EPB41L2: variants seen among roughly 807,000 people sequenced by gnomAD.
EPB41L2 encodes erythrocyte membrane protein band 4.1 like 2.
Under a neutral mutation model 113.0 loss-of-function variants are expected in EPB41L2, and 43 were observed. The ratio of observed to expected loss-of-function variants is 0.38; its 90% CI spans 0.30 to 0.49. EPB41L2 has a LOEUF of 0.49. Ranked by LOEUF, EPB41L2 falls within the 20% of genes least tolerant of loss-of-function variation. The probability of loss-of-function intolerance (pLI) is 0.95; values close to 1 mark genes in which losing one functional copy is unlikely to be tolerated. For missense variants in EPB41L2, 1,147 were observed against 1,223.4 expected, an observed-to-expected ratio of 0.94 and a Z score of 0.93; for synonymous variants, 442 against 436.7, an observed-to-expected ratio of 1.01 and a Z score of -0.15.
Position 130,904,535 on chromosome 6 carries a change from G to C in EPB41L2, c.859C>G (p.Pro287Ala). 1 of 1,597,742 alleles carries C rather than the reference G, an allele frequency of 6.3e-7. No individual in the cohort carries two copies. Among genetic ancestry groups the C allele is most frequent in the Non-Finnish European group, 8.6e-7 (1 of 1,167,966 alleles). ...TTCACATTAAAAGTGAATAGCCATG[G>C]AAGGTCTGTAATTATTAAATATCAC... ...KEIKRQLRNL[P>A]WLFTFNVKFY... Residue 287 changes from proline (P) to alanine (A), a missense_variant, in exon 6 of 20, where the codon CCA becomes GCA. Pro to Ala is a conservative substitution (Grantham distance 27). Coordinates refer to ENST00000337057, the MANE Select transcript of EPB41L2 (RefSeq NM_001431.4).
chr6:130,913,077 T>C (rs1457564923), intron 4 of EPB41L2, among the ~76,000 whole-genome samples: 1 of 152,172 alleles, frequency 6.6e-6, no homozygotes, highest in Non-Finnish European at 1.5e-5. Context: ...ACCCAAGGAC[T>C]AACCCTGTGT....
chr6:130,846,663 T>G (rs984862273), intron 19 of EPB41L2, among the ~76,000 whole-genome samples: 2 of 152,236 alleles, frequency 1.3e-5, no homozygotes, highest in Non-Finnish European at 2.9e-5. Flanking sequence ...TAGGAGGCTC[T>G]TCTGTGGGTC....
intron 1 of EPB41L2, among the ~76,000 whole-genome samples, chr6:130,992,816 G>A (rs1782200756): frequency 6.6e-6 from 1 of 151,996 alleles, no homozygotes; most frequent in African/African-American, 2.4e-5. Context: ...TAGTAGAGAT[G>A]GGGTTTCACC....
intron 3 of EPB41L2, among the ~76,000 whole-genome samples, chr6:130,932,170 A>C (rs1308727143): frequency 6.6e-6 from 1 of 152,166 alleles, no homozygotes; most frequent in Non-Finnish European, 1.5e-5. Context: ...CACAAATAAG[A>C]AAAATAAGGT....
At position 130,873,484 on chromosome 6, in the gene EPB41L2, G is replaced by A. The variant is rs541560961; in HGVS notation, c.2044-3358C>T. 2.6e-3 allele frequency among the ~76,000 whole-genome samples: 337 copies of A among 128,842 alleles called. 1 individual carries two copies. The highest frequency in any genetic ancestry group is 8.6e-3 in the African/African-American group (288 of 33,374). 84.5% of individuals were successfully genotyped at this position (128,842 alleles called of 152,430 possible). A position where few individuals can be genotyped will look rare whatever the true frequency, so the allele number is the denominator to read the frequency against. On this transcript the variant is annotated intron_variant, in intron 14 of 19. Transcript: ENST00000337057. ...TATTCAGGTTTTTTTTTTTTTTTGA[G>A]ACGGAGTCTCGCTCTGTCACTCAGG...
intron 8 of EPB41L2, among the ~76,000 whole-genome samples, chr6:130,897,469 C>A (rs531235328): frequency 4.3e-4 from 65 of 152,188 alleles, no homozygotes; most frequent in Admixed American, 3.5e-3. Context: ...AGAACAGAGT[C>A]CACAATTTCT....
intron 1 of EPB41L2, among the ~76,000 whole-genome samples, chr6:131,035,396 G>T (rs1344670646): frequency 6.6e-6 from 1 of 152,136 alleles, no homozygotes; most frequent in Non-Finnish European, 1.5e-5. Context: ...CTTCTTCCTA[G>T]ATCTAGAGCC....
chr6:130,954,082 TCGCTCTGTC>T (rs1816497477), intron 3 of EPB41L2, among the ~76,000 whole-genome samples: 1 of 130,114 alleles, frequency 7.7e-6, no homozygotes, highest in Non-Finnish European at 1.6e-5. Flanking sequence ...AGACGGAGTC[TCGCTCTGTC>T]GCCCAGGCTG....
At chr6:130,952,163 T>C (rs144694430) in intron 3 of EPB41L2, among the ~76,000 whole-genome samples, 2 of 152,102 alleles carry the variant, frequency 1.3e-5, no homozygotes, top group African/African-American at 4.8e-5. Flanking sequence ...CCGATGACAA[T>C]GTGGCAAAAT....
At chr6:131,008,491 CCA>C (rs946668602) in intron 1 of EPB41L2, among the ~76,000 whole-genome samples, 1 of 152,220 alleles carries the variant, frequency 6.6e-6, no homozygotes, top group Non-Finnish European at 1.5e-5. Context: ...GGTTGGAACC[CCA>C]CACAGAGTCC....
intron 4 of EPB41L2, among the ~76,000 whole-genome samples, chr6:130,915,582 G>C (rs1293709349): frequency 2.6e-5 from 4 of 152,120 alleles, no homozygotes; most frequent in Non-Finnish European, 5.9e-5. Context: ...AGTCACAGTA[G>C]CTACTAGATT....
chr6:130,957,619 AC>A (rs1817868369), intron 1 of EPB41L2, among the ~76,000 whole-genome samples: 1 of 139,988 alleles, frequency 7.1e-6, no homozygotes, highest in Non-Finnish European at 1.5e-5. Flanking sequence ...ACAGAGTGAG[AC>A]CCCATCTCTT....
intron 1 of EPB41L2, among the ~76,000 whole-genome samples, chr6:131,042,658 G>T (rs1252509709): frequency 1.4e-5 from 2 of 138,556 alleles, no homozygotes; most frequent in African/African-American, 4.9e-5. Flanking sequence ...AACTGTCAAG[G>T]AAGAAGAGGG....
At chr6:131,015,708 TCCTACTTCCA>T in intron 1 of EPB41L2, 1 of 152,390 alleles carries the variant, frequency 6.6e-6, no homozygotes, top group East Asian at 1.9e-4. Flanking sequence ...TTCATTCTCA[TCCTACTTCCA>T]CCTACATTCA....
At chr6:131,042,986 T>C (rs779689674) in intron 1 of EPB41L2, among the ~76,000 whole-genome samples, 26 of 152,144 alleles carry the variant, frequency 1.7e-4, no homozygotes, top group Non-Finnish European at 3.4e-4. Flanking sequence ...TAGGCTGATT[T>C]TAAAAATGAA....
intron 1 of EPB41L2, among the ~76,000 whole-genome samples, chr6:130,997,892 C>T (rs192876866): frequency 4.6e-5 from 7 of 152,148 alleles, no homozygotes; most frequent in Admixed American, 2.6e-4. Context: ...TTTTAAAAAT[C>T]GAGTTATTGC....
chr6:131,003,422 A>C (rs1784784965), intron 1 of EPB41L2, among the ~76,000 whole-genome samples: 1 of 152,218 alleles, frequency 6.6e-6, no homozygotes, highest in Admixed American at 6.5e-5. Context: ...TCCAAGCTTG[A>C]CATTTTCAAT....
Position 130,867,601 on chromosome 6 carries a change from G to A in EPB41L2, c.2608-20C>T. ...TGGTGGCTGAGGTGGAAAAGGAAGGGAAAAATAAATTCTAGAGGTAATAAA... is the reference window on the plus strand; with the variant it reads ...TGGTGGCTGAGGTGGAAAAGGAAGGAAAAAATAAATTCTAGAGGTAATAAA... On this transcript the variant is annotated intron_variant, in intron 15 of 19. Transcript: ENST00000337057. The A allele has an allele frequency of 1.2e-6, 2 of 1,613,080 alleles. No homozygotes were observed. The highest frequency in any genetic ancestry group is 8.5e-7 in the Non-Finnish European group (1 of 1,179,328).
chr6:130,952,162 A>G (rs1190025556), intron 3 of EPB41L2, among the ~76,000 whole-genome samples: 3 of 152,144 alleles, frequency 2.0e-5, no homozygotes, highest in African/African-American at 7.2e-5. Flanking sequence ...ACCGATGACA[A>G]TGTGGCAAAA....
Sources: gnomAD v4.1 joint callset for allele counts (sites outside exome capture counted in the v4.1 genomes callset) on GRCh38, gnomAD v4.1.1 for gene constraint, MANE v1.5 for transcripts, NCBI Gene and HGNC (gene_info 2026-07-23, HGNC 2026-07-21) for gene names.